DALRD3: variants seen among roughly 807,000 people sequenced by gnomAD.
The protein encoded by DALRD3 is DALR anticodon-binding domain-containing protein 3.
Under a neutral mutation model 56.7 loss-of-function variants are expected in DALRD3, and 47 were observed. The ratio of observed to expected loss-of-function variants is 0.83; its 90% CI spans 0.66 to 1.06. The LOEUF (loss-of-function observed/expected upper bound fraction) is 1.06, where lower values mean the gene tolerates loss of function less well. Ranked by LOEUF, DALRD3 falls within the 50% of genes least tolerant of loss-of-function variation. The probability of loss-of-function intolerance (pLI) is 0.00; values close to 1 mark genes in which losing one functional copy is unlikely to be tolerated. For missense variants in DALRD3, 787 were observed against 724.0 expected, an observed-to-expected ratio of 1.09 and a Z score of -1.00; for synonymous variants, 347 against 308.5, an observed-to-expected ratio of 1.12 and a Z score of -1.31.
In DALRD3 at chr3:49,016,233, C is replaced by G; in HGVS notation, c.1254G>C (p.Lys418Asn). 6.2e-7 allele frequency: 1 copy of G among 1,614,206 alleles called. No homozygotes were observed. Among genetic ancestry groups the G allele is most frequent in the South Asian group, 1.1e-5 (1 of 91,084 alleles). ...GGTACAGACCTTGTTCCATACTACACTTGTAACTCTCAAAGAGTGTGGCAA... is the reference window on the plus strand; with the variant it reads ...GGTACAGACCTTGTTCCATACTACAGTTGTAACTCTCAAAGAGTGTGGCAA... Reference protein sequence around the residue: ...ARLATLFESYKCSMEQGLYPT... With the variant: ...ARLATLFESYNCSMEQGLYPT... Residue 418 changes from lysine to asparagine, a missense_variant, in exon 9 of 12, where the codon AAG becomes AAC. Coordinates refer to ENST00000341949, the MANE Select transcript of DALRD3 (RefSeq NM_001009996.3).
chr3:49,018,112 T>G lies in DALRD3; in HGVS notation c.372A>C (p.Ala124=). 1 of 1,483,554 alleles carries G rather than the reference T, an allele frequency of 6.7e-7. No homozygotes were observed. Among genetic ancestry groups the G allele is most frequent in the South Asian group, 1.4e-5 (1 of 71,854 alleles). 91.9% of individuals were successfully genotyped at this position (1,483,554 alleles called of 1,614,324 possible). A position where few individuals can be genotyped will look rare whatever the true frequency, so the allele number is the denominator to read the frequency against. ...GGAGTGCGCAGGGGGAGCTGCGCAG[T>G]GCTGGGCAGTGTAGTAAGACGCGCT... ...LGQRVLLHCP[A]LRSSPCALRL... is the part of the protein sequence containing the mutation. The change falls in exon 2 of 12, where the codon GCA becomes GCC. Residue 124 remains alanine (A), a synonymous_variant. Coordinates refer to ENST00000341949, the MANE Select transcript of DALRD3 (RefSeq NM_001009996.3).
chr3:49,017,346 GAGGCCCCAGCCTA>G lies in DALRD3; in HGVS notation c.799-3_808del. 2 of 1,614,228 alleles carry G rather than the reference GAGGCCCCAGCCTA, an allele frequency of 1.2e-6. No homozygotes were observed. The highest frequency in any genetic ancestry group is 1.7e-6 in the Non-Finnish European group (2 of 1,180,046). On this transcript the variant is annotated splice_acceptor_variant and splice_polypyrimidine_tract_variant and coding_sequence_variant and intron_variant, in exon 5 of 12. Coordinates refer to ENST00000341949, the MANE Select transcript of DALRD3 (RefSeq NM_001009996.3). LOFTEE classifies it high-confidence loss of function. The stretch of plus-strand genomic sequence containing the variant: ...CAGGCAGCCGCCTGTACCAGTATCT[GAGGCCCCAGCCTA>G]AGGGAGGACAATCATAACTGTGGAA...
rs747010405 is a variant in DALRD3, at chr3:49,017,676, T to C, written c.655A>G (p.Lys219Glu). 1.2e-6 allele frequency: 2 copies of C among 1,614,168 alleles called. No homozygotes were observed. Among genetic ancestry groups the C allele is most frequent in the East Asian group, 4.5e-5 (2 of 44,886 alleles). Reference sequence around the variant, plus strand: ...CGGCCCTGTTCTTCCACCAGCTCCTTCAGACACAGTCTGCCTAGGATGCCA... The same window carrying C: ...CGGCCCTGTTCTTCCACCAGCTCCTCCAGACACAGTCTGCCTAGGATGCCA... ...SPGILGRLCL[K>E]ELVEEQGRTA... Residue 219 changes from lysine (K) to glutamate (E), a missense_variant, in exon 3 of 12, where the codon AAG becomes GAG. Transcript: ENST00000341949.
rs200991249 is a variant in DALRD3, at chr3:49,017,455, G to C, written c.777C>G (p.Pro259=). 6.8e-6 allele frequency: 11 copies of C among 1,614,010 alleles called. No homozygotes were observed. Among genetic ancestry groups the C allele is most frequent in the Non-Finnish European group, 9.3e-6 (11 of 1,180,042 alleles). ...AELQEALWHW[P]EDSHPGLAGA... is the part of the protein sequence containing the mutation. The stretch of plus-strand genomic sequence containing the variant: ...TAACCAGGCCTGGGTGGCTGTCCTC[G>C]GGCCAATGCCATAGAGCCTCTTGCA... Residue 259 remains proline (P), a synonymous_variant, in exon 4 of 12, where the codon CCC becomes CCG. Coordinates refer to ENST00000341949, the MANE Select transcript of DALRD3 (RefSeq NM_001009996.3).
chr3:49,017,574 C>T (rs1306905867), intron 3 of DALRD3, 39 bp downstream of exon 3: 2 of 1,613,930 alleles, frequency 1.2e-6, no homozygotes, highest in African/African-American at 2.7e-5. Context: ...CCCTAACCCC[C>T]TCCTGCCTTT....
intron 5 of DALRD3, 96 bp from the exon 6 acceptor site, chr3:49,016,943 T>C (rs2093087130): frequency 1.4e-6 from 2 of 1,423,800 alleles, no homozygotes; most frequent in South Asian, 2.4e-5. Context: ...CAGCCCAGAC[T>C]CCCTCAAATT....
At chr3:49,015,910 C>T (rs2093059663) in intron 10 of DALRD3, 38 bp from the exon 11 acceptor site, 2 of 1,614,198 alleles carry the variant, frequency 1.2e-6, no homozygotes, top group Non-Finnish European at 1.7e-6. Context: ...CATCTCTTTG[C>T]TCTTGTGCCC....
In DALRD3 at chr3:49,015,597, G is replaced by C; in HGVS notation, c.1623C>G (p.Ser541Arg). ...GLAMLGLPPL[S>R]HI ...TGGAGCCTCTGTGGCCTTAAATGTGGCTCAGTGGAGGGAGACCCAGCATAG... is the reference window on the plus strand; with the variant it reads ...TGGAGCCTCTGTGGCCTTAAATGTGCCTCAGTGGAGGGAGACCCAGCATAG... Residue 541 changes from serine (S) to arginine (R), a missense_variant, in exon 12 of 12, where the codon AGC becomes AGG. Ser to Arg is a moderately radical substitution (Grantham distance 110). Coordinates refer to ENST00000341949, the MANE Select transcript of DALRD3 (RefSeq NM_001009996.3). 1 of 1,614,106 alleles carries C rather than the reference G, an allele frequency of 6.2e-7. No homozygotes were observed. Among genetic ancestry groups the C allele is most frequent in the Non-Finnish European group, 8.5e-7 (1 of 1,180,016 alleles).
chr3:49,016,907 A>G (rs2106729063), intron 5 of DALRD3, 60 bp from the exon 6 acceptor site: 1 of 1,595,808 alleles, frequency 6.3e-7, no homozygotes, highest in South Asian at 1.1e-5. Context: ...AAGTCCCTTG[A>G]GGAGCCCAAA....
chr3:49,019,526 C>T (rs113290429), upstream of DALRD3, among the ~76,000 whole-genome samples: 3,966 of 149,934 alleles, frequency 0.026, 162 homozygotes, highest in African/African-American at 0.092. Context: ...GTTGCCCAGG[C>T]TGGAGTACAG....
chr3:49,019,932 A>G (rs1459679765), upstream of DALRD3, among the ~76,000 whole-genome samples: 1 of 152,218 alleles, frequency 6.6e-6, no homozygotes, highest in Non-Finnish European at 1.5e-5. Flanking sequence ...CTCCTCTACC[A>G]ATAGGAAAGG....
intron 9 of DALRD3, 32 bp from the exon 10 acceptor site, chr3:49,016,118 T>C: frequency 6.2e-7 from 1 of 1,609,756 alleles, no homozygotes; most frequent in South Asian, 1.1e-5. Flanking sequence ...GGAGGGGAAG[T>C]CCAGGCCTCC....
chr3:49,019,999 C>T (rs187910332), upstream of DALRD3: 41 of 379,038 alleles, frequency 1.1e-4, no homozygotes, highest in Non-Finnish European at 2.0e-4. Flanking sequence ...GTAACTTACT[C>T]ACCCCCCACC....
chr3:49,017,633 G>T lies in DALRD3; in HGVS notation c.698C>A (p.Pro233His). 1 of 1,614,184 alleles carries T rather than the reference G, an allele frequency of 6.2e-7. No individual in the cohort carries two copies. The highest frequency in any genetic ancestry group is 8.5e-7 in the Non-Finnish European group (1 of 1,180,024). Residue 233 changes from proline to histidine, a missense_variant, in exon 3 of 12, where the codon CCC becomes CAC. By Grantham distance (77) the Pro-to-His change is moderately conservative. Coordinates refer to ENST00000341949, the MANE Select transcript of DALRD3 (RefSeq NM_001009996.3). ...EEQGRTAGYD[P>H]NLDNCLVTED... ...CCTACCCAGACAGTTGTCCAGGTTG[G>T]GGTCATAGCCAGCTGTGCGGCCCTG...
At chr3:49,020,616 T>A (rs1455761427), upstream of DALRD3, 1 of 485,078 alleles carries the variant, frequency 2.1e-6, no homozygotes, top group Non-Finnish European at 4.3e-6. Flanking sequence ...AGGGCGCTGC[T>A]CAGGCAGGAG....
At chr3:49,020,163 G>C (rs771779613), upstream of DALRD3, 9 of 534,430 alleles carry the variant, frequency 1.7e-5, no homozygotes, top group Non-Finnish European at 3.1e-5. Flanking sequence ...AGCACTGGGC[G>C]GACACGACAT....
At chr3:49,018,650 C>A, upstream of DALRD3, 1 of 1,443,396 alleles carries the variant, frequency 6.9e-7, no homozygotes, top group Non-Finnish European at 9.1e-7. Context: ...GGCGGGGATG[C>A]GGCGGTGGTC....
rs1408046918 is a variant in DALRD3, at chr3:49,018,429, C to T, written c.136G>A (p.Ala46Thr). 2.5e-6 allele frequency: 4 copies of T among 1,581,928 alleles called. No homozygotes were observed. The highest frequency in any genetic ancestry group is 2.7e-5 in the African/African-American group (2 of 74,244). The change falls in exon 1 of 12, where the codon GCG becomes ACG. Residue 46 changes from alanine to threonine, a missense_variant. Physicochemically the swap from Ala to Thr is moderately conservative, Grantham distance 58. Transcript: ENST00000341949. ...RSRDFLAPHR[A>T]LQARFDDGQV... ...CCGTCATCGAAGCGCGCCTGCAGCG[C>T]GCGGTGCGGTGCCAGAAAGTCTCGG...
chr3:49,016,287 G>A lies in DALRD3; in HGVS notation c.1200C>T (p.Gly400=). Residue 400 remains glycine (G), a synonymous_variant, in exon 9 of 12, where the codon GGC becomes GGT. Coordinates refer to ENST00000341949, the MANE Select transcript of DALRD3 (RefSeq NM_001009996.3). The part of the protein sequence containing the change: ...SSISTKGTKS[G]TFVMYNCARL... The stretch of plus-strand genomic sequence containing the variant: ...GGGCACAATTATACATGACAAAGGT[G>A]CCACTCTTTGTGCCCTTCGTGGAGA... 6.2e-7 allele frequency: 1 copy of A among 1,613,212 alleles called. No homozygotes were observed. The highest frequency in any genetic ancestry group is 8.5e-7 in the Non-Finnish European group (1 of 1,179,320).
Sources: allele counts gnomAD v4.1 joint callset (sites outside exome capture counted in the v4.1 genomes callset), GRCh38; gene constraint gnomAD v4.1.1; transcripts MANE v1.5; gene names NCBI Gene and HGNC (gene_info 2026-07-23, HGNC 2026-07-21).